Variants in IQSEC1 observed in about 807,000 individuals in gnomAD.
IQSEC1 encodes the protein IQ motif and Sec7 domain ArfGEF 1.
In IQSEC1, 31 loss-of-function variants were observed where a neutral mutation model predicts 91.0. The ratio of observed to expected loss-of-function variants is 0.34; its 90% CI spans 0.26 to 0.46. The LOEUF (loss-of-function observed/expected upper bound fraction) is 0.46, where lower values mean the gene tolerates loss of function less well. IQSEC1 is among the 20% of genes least tolerant of loss of function. The probability of loss-of-function intolerance (pLI) is 1.00; values close to 1 mark genes in which losing one functional copy is unlikely to be tolerated. For synonymous variants in IQSEC1, 699 were observed against 662.6 expected (o/e 1.05, Z -0.84); for missense variants, 1,388 against 1,575.6 (o/e 0.88, Z 2.02).
At chr3:13,275,311 G>A (rs1197187365) in intron 1 of IQSEC1, among the ~76,000 whole-genome samples, 1 of 151,184 alleles carries the variant, frequency 6.6e-6, no homozygotes, top group Non-Finnish European at 1.5e-5. Flanking sequence ...ATCCAAGAGG[G>A]AAAGCTGAAC....
At position 13,103,674 on chromosome 3, in the gene IQSEC1, G is replaced by A. The variant is rs760893511; in HGVS notation, c.303-56152C>T. Among the ~76,000 whole-genome samples the A allele has an allele frequency of 2.0e-5, 3 of 152,084 alleles. No homozygotes were observed. The highest frequency in any genetic ancestry group is 4.4e-5 in the Non-Finnish European group (3 of 68,012). ...CTGGGGGTCTGGCTGGCAGGGGAGCGGGGCTGGCAGCTGTGATTTCAGAGC... is the reference window on the plus strand; with the variant it reads ...CTGGGGGTCTGGCTGGCAGGGGAGCAGGGCTGGCAGCTGTGATTTCAGAGC... On this transcript the variant is annotated intron_variant, in intron 2 of 15. Transcript: ENST00000648114. This position sits in a 1 kb window ranked among gnomAD's most constrained non-coding sequence, Gnocchi z 4.1.
chr3:13,020,557 C>T (rs1007296986), intron 1 of IQSEC1, among the ~76,000 whole-genome samples: 1 of 152,202 alleles, frequency 6.6e-6, no homozygotes, highest in Non-Finnish European at 1.5e-5. Context: ...GGAAACTTGG[C>T]AATTTTTACC....
chr3:12,937,844 C>T (rs190774912), intron 2 of IQSEC1, among the ~76,000 whole-genome samples: 1 of 152,312 alleles, frequency 6.6e-6, no homozygotes, highest in East Asian at 1.9e-4. Context: ...ACTCAAGAGG[C>T]CTTCAGGCTC....
Position 12,983,213 on chromosome 3 carries a change from C to A in IQSEC1, c.24-41348G>T, listed in dbSNP as rs535299489. Among the ~76,000 whole-genome samples, 1 of 152,368 alleles carries A rather than the reference C, an allele frequency of 6.6e-6. No homozygotes were observed. The highest frequency in any genetic ancestry group is 2.1e-4 in the South Asian group (1 of 4,824). ...GGTGCTCCAGCTCCAGCACCTAAGC[C>A]CCATCCTCTGCAAACAGGGGTTTCA... is the stretch of plus-strand genomic sequence containing the variant. On this transcript the variant is annotated intron_variant, in intron 1 of 13. Coordinates refer to ENST00000613206, the MANE Select transcript of IQSEC1 (RefSeq NM_001134382.3). The surrounding 1 kb of genome is among the most constrained non-coding windows in gnomAD (Gnocchi z 4.3).
intron 1 of IQSEC1, among the ~76,000 whole-genome samples, chr3:13,019,907 C>T (rs1269573377): frequency 6.6e-6 from 1 of 152,210 alleles, no homozygotes; most frequent in African/African-American, 2.4e-5. Flanking sequence ...CCGTGCCATT[C>T]AATGAGGAGA....
intron 1 of IQSEC1, among the ~76,000 whole-genome samples, chr3:13,166,524 G>A (rs1693499531): frequency 6.6e-6 from 1 of 152,178 alleles, no homozygotes; most frequent in Admixed American, 6.5e-5. Flanking sequence ...GCTTCCAGGT[G>A]GCCTCAGTAG....
At chr3:12,913,991 G>A (rs779495571) in intron 8 of IQSEC1, among the ~76,000 whole-genome samples, 2 of 152,208 alleles carry the variant, frequency 1.3e-5, no homozygotes, top group African/African-American at 2.4e-5. Flanking sequence ...CTCTAGATGA[G>A]GAAAAACTGA....
intron 1 of IQSEC1, among the ~76,000 whole-genome samples, chr3:13,011,069 CT>C (rs143657363): frequency 0.061 from 9,193 of 150,662 alleles, 322 homozygotes; most frequent in Non-Finnish European, 0.074. Context: ...GTGAAATTCA[CT>C]TTTTTTTTTC....
In IQSEC1 at chr3:13,225,356, G is replaced by A. The variant is rs1694733594; in HGVS notation, c.272+57355C>T. Among the ~76,000 whole-genome samples, 5 of 152,312 alleles carry A rather than the reference G, an allele frequency of 3.3e-5. No individual in the cohort carries two copies. The South Asian group carries it at 8.3e-4, about 25-fold the overall frequency. On this transcript the variant is annotated intron_variant, in intron 1 of 15. Coordinates refer to the IQSEC1 transcript ENST00000648114. ...ATGTGTGTTTAATGCACCAAAGATGGAACAGTGTTTTACCAGAAGCCACTG... is the reference window on the plus strand; with the variant it reads ...ATGTGTGTTTAATGCACCAAAGATGAAACAGTGTTTTACCAGAAGCCACTG...
intron 1 of IQSEC1, among the ~76,000 whole-genome samples, chr3:13,244,894 A>G (rs1695082471): frequency 6.6e-6 from 1 of 152,024 alleles, no homozygotes; most frequent in Non-Finnish European, 1.5e-5. Flanking sequence ...GTCATGTGAC[A>G]CTCTGCCACC....
At chr3:13,007,198 G>C (rs1053048234) in intron 1 of IQSEC1, among the ~76,000 whole-genome samples, 2 of 152,232 alleles carry the variant, frequency 1.3e-5, no homozygotes, top group African/African-American at 4.8e-5. Flanking sequence ...TGCAGACAGA[G>C]CCCAAGGCAC....
chr3:12,935,195 C>A lies in IQSEC1; in HGVS notation c.1568+253G>T, dbSNP rs1197070763. On this transcript the variant is annotated intron_variant, in intron 3 of 13. Coordinates refer to ENST00000613206, the MANE Select transcript of IQSEC1 (RefSeq NM_001134382.3). The surrounding 1 kb of genome is among the most constrained non-coding windows in gnomAD (Gnocchi z 8.0). ...GAAGGGCCCGGGACTCAAGTTGCTT[C>A]GGCACAGAAAGCTCCCATTCTGCCC... Among the ~76,000 whole-genome samples, 2 of 152,224 alleles carry A rather than the reference C, an allele frequency of 1.3e-5. No homozygotes were observed. The highest frequency in any genetic ancestry group is 4.8e-5 in the African/African-American group (2 of 41,450).
chr3:13,110,723 G>T (rs1706229335), intron 2 of IQSEC1, among the ~76,000 whole-genome samples: 1 of 152,194 alleles, frequency 6.6e-6, no homozygotes, highest in Non-Finnish European at 1.5e-5. Context: ...GGACACAGGG[G>T]CTTTCCAGGC....
At chr3:13,192,497 A>G (rs1400982125) in intron 1 of IQSEC1, among the ~76,000 whole-genome samples, 2 of 152,204 alleles carry the variant, frequency 1.3e-5, no homozygotes, top group African/African-American at 4.8e-5. Flanking sequence ...GGACGACGTG[A>G]AGATGCAGGA....
rs371397885 is a variant in IQSEC1 at position 12,935,434 on chromosome 3, C to T, written c.1568+14G>A. ...CACAGCTGCCCACCCTGAGGGGTCA[C>T]CCATGGTACTCACTTGTTGAAGAGG... On this transcript the variant is annotated intron_variant, in intron 3 of 13. Transcript: ENST00000613206. This position sits in a 1 kb window ranked among gnomAD's most constrained non-coding sequence, Gnocchi z 8.0. 19 of 1,599,718 alleles carry T rather than the reference C, an allele frequency of 1.2e-5. No individual in the cohort carries two copies. The African/African-American group carries it at 2.1e-4, about 18-fold the overall frequency.
intron 6 of IQSEC1, among the ~76,000 whole-genome samples, chr3:12,918,679 G>A (rs1237662168): frequency 6.6e-6 from 1 of 152,080 alleles, no homozygotes; most frequent in Non-Finnish European, 1.5e-5. Flanking sequence ...AAAATTAGCC[G>A]GGCATGGCAG....
chr3:13,017,683 A>G (rs1023645831), intron 1 of IQSEC1, among the ~76,000 whole-genome samples: 7 of 152,156 alleles, frequency 4.6e-5, no homozygotes, highest in Admixed American at 4.6e-4. Context: ...TCATCCCCTG[A>G]ACGAAGACTC....
chr3:13,050,405 C>T (rs1704653174), intron 1 of IQSEC1, among the ~76,000 whole-genome samples: 1 of 152,052 alleles, frequency 6.6e-6, no homozygotes, highest in Non-Finnish European at 1.5e-5. Flanking sequence ...GTGTGTGCCC[C>T]GGGGATAGCA....
At chr3:13,129,490 C>A (rs1214816067) in intron 2 of IQSEC1, among the ~76,000 whole-genome samples, 2 of 152,104 alleles carry the variant, frequency 1.3e-5, no homozygotes, top group African/African-American at 4.8e-5. Context: ...AATTTCCACA[C>A]TGATATTTTT....
Sources: gnomAD v4.1 joint callset for allele counts (sites outside exome capture counted in the v4.1 genomes callset) on GRCh38, gnomAD v4.1.1 for gene constraint, Gnocchi (gnomAD v3.1) non-coding constraint, MANE v1.5 for transcripts, NCBI Gene and HGNC (gene_info 2026-07-23, HGNC 2026-07-21) for gene names.